Variants in GVQW3 observed in about 807,000 individuals in gnomAD.
GVQW3 encodes the protein protein GVQW3.
A neutral mutation model predicts 12.5 loss-of-function variants in GVQW3; 7 were observed. The ratio of observed to expected loss-of-function variants is 0.56; its 90% confidence interval spans 0.32 to 1.05. GVQW3 has a LOEUF of 1.05. GVQW3 is among the 50% of genes least tolerant of loss of function. The probability of loss-of-function intolerance (pLI) is 0.04; values close to 1 mark genes in which losing one functional copy is unlikely to be tolerated. For missense variants in GVQW3, 188 were observed against 190.8 expected (o/e 0.99, Z 0.09); for synonymous variants, 71 against 67.2 (o/e 1.06, Z -0.28).
At chr11:76,397,250 C>T (rs1946947913) in intron 1 of GVQW3, among the ~76,000 whole-genome samples, 1 of 152,158 alleles carries the variant, frequency 6.6e-6, no homozygotes, top group African/African-American at 2.4e-5. Context: ...GATCTGCCCA[C>T]CTTGGCCTCC....
intron 1 of GVQW3, among the ~76,000 whole-genome samples, chr11:76,400,794 A>G (rs1303885471): frequency 6.6e-6 from 1 of 151,962 alleles, no homozygotes; most frequent in African/African-American, 2.4e-5. Flanking sequence ...TTTCTCTTAA[A>G]TTCTTGTTCG....
intron 1 of GVQW3, chr11:76,383,891 T>C (rs899381461): frequency 1.3e-5 from 2 of 152,226 alleles, no homozygotes; most frequent in African/African-American, 2.4e-5. Flanking sequence ...ATTTGCTTTC[T>C]CTCCTAAGCC....
At chr11:76,399,127 T>TGTATTGTATTGTATTGTATTGTATTG (rs1296706412) in intron 1 of GVQW3, among the ~76,000 whole-genome samples, 82 of 151,054 alleles carry the variant, frequency 5.4e-4, no homozygotes, top group African/African-American at 2.0e-3. Context: ...TTTATTTTAT[T>TGTATTGTATTGTATTGTATTGTATTG]TCATTTTATT....
At chr11:76,385,821 C>T (rs117288860) in intron 1 of GVQW3, among the ~76,000 whole-genome samples, 140 of 152,288 alleles carry the variant, frequency 9.2e-4, no homozygotes, top group Admixed American at 1.3e-3. Context: ...TAGCCACCCT[C>T]AGTTGCACTC....
At chr11:76,399,654 A>G (rs1482706147) in intron 1 of GVQW3, among the ~76,000 whole-genome samples, 1 of 152,146 alleles carries the variant, frequency 6.6e-6, no homozygotes, top group Non-Finnish European at 1.5e-5. Flanking sequence ...TAATAATGCG[A>G]GCAGGCCTCA....
At chr11:76,403,479 G>C (rs1947010324) in intron 1 of GVQW3, among the ~76,000 whole-genome samples, 181 bp from the exon 2 acceptor site, 1 of 152,008 alleles carries the variant, frequency 6.6e-6, no homozygotes, top group South Asian at 2.1e-4. Context: ...TTTGTTGTTT[G>C]TTTGTTTAGA....
At position 76,405,678 on chromosome 11, in the gene GVQW3, A is replaced by G. The variant is rs1370771359; in HGVS notation, c.*1920A>G. The G allele has an allele frequency of 1.3e-5, 2 of 152,340 alleles. No homozygotes were observed. Among genetic ancestry groups the G allele is most frequent in the Non-Finnish European group, 2.9e-5 (2 of 68,160 alleles). The allele number at this position is 152,340 out of a possible 1,614,324, so 9.4% of individuals were successfully genotyped here. On this transcript the variant is annotated 3_prime_UTR_variant, in exon 2 of 2. Transcript: ENST00000529331. Reference sequence around the variant, plus strand: ...CTTGATGAAGAAAGAATAGGGAAGGAGATCAGATCAGTACTGTTGTCCAGG... The same window carrying G: ...CTTGATGAAGAAAGAATAGGGAAGGGGATCAGATCAGTACTGTTGTCCAGG...
intron 1 of GVQW3, among the ~76,000 whole-genome samples, chr11:76,401,114 CT>C (rs1351445123): frequency 2.6e-5 from 4 of 151,844 alleles, no homozygotes; most frequent in Non-Finnish European, 5.9e-5. Flanking sequence ...CTCAAGCAAT[CT>C]GCCCACCTCA....
chr11:76,397,027 T>C (rs1250462684), intron 1 of GVQW3, among the ~76,000 whole-genome samples: 9 of 128,314 alleles, frequency 7.0e-5, no homozygotes, highest in Admixed American at 1.7e-4. Flanking sequence ...TTTTTTGAGA[T>C]GGAGTTTCGC....
In GVQW3 at chr11:76,382,136, C is replaced by A. The variant is rs929418109; in HGVS notation, c.308C>A (p.Thr103Asn). 1 of 1,536,340 alleles carries A rather than the reference C, an allele frequency of 6.5e-7. No individual in the cohort carries two copies. The highest frequency in any genetic ancestry group is 1.4e-5 in the African/African-American group (1 of 73,166). ...GAAGAGTTAAATTTAGACAAAGAAA[C>A]TGTTAGGCTCATTTTGAAAGAAAAC... is the stretch of plus-strand genomic sequence containing the variant. ...MAEELNLDKE[T>N]VRLILKENLN... The change falls in exon 1 of 2, where the codon ACT (threonine) becomes AAT (asparagine). Residue 103 changes from threonine (T) to asparagine (N), a missense_variant. By Grantham distance (65) the Thr-to-Asn change is moderately conservative. Transcript: ENST00000529331.
At chr11:76,391,016 G>A (rs1239160015) in intron 1 of GVQW3, among the ~76,000 whole-genome samples, 8 of 151,998 alleles carry the variant, frequency 5.3e-5, no homozygotes, top group Non-Finnish European at 8.8e-5. Context: ...TGGAGTACGT[G>A]CCCAATAGAG....
Position 76,407,990 on chromosome 11 carries a change from C to G in GVQW3, c.*4232C>G, listed in dbSNP as rs1366284299. 1 of 151,866 alleles carries G rather than the reference C, an allele frequency of 6.6e-6. No homozygotes were observed. The highest frequency in any genetic ancestry group is 1.5e-5 in the Non-Finnish European group (1 of 67,986). 9.4% of individuals were successfully genotyped at this position (151,866 alleles called of 1,614,324 possible). Reference sequence around the variant, plus strand: ...TCCAAAACATTACCAGTGGTTTGATCTGGGTGATGAAATTATAAGTGATTT... The same window carrying G: ...TCCAAAACATTACCAGTGGTTTGATGTGGGTGATGAAATTATAAGTGATTT... On this transcript the variant is annotated 3_prime_UTR_variant, in exon 2 of 2. Transcript: ENST00000529331.
chr11:76,384,670 A>T (rs1056410625), intron 1 of GVQW3, among the ~76,000 whole-genome samples: 26 of 152,192 alleles, frequency 1.7e-4, no homozygotes, highest in African/African-American at 6.3e-4. Context: ...GTTGTCCCAC[A>T]AAGAGAAGAT....
intron 1 of GVQW3, among the ~76,000 whole-genome samples, chr11:76,402,039 C>G (rs1288808673): frequency 6.6e-6 from 1 of 152,104 alleles, no homozygotes; most frequent in Non-Finnish European, 1.5e-5. Context: ...AGGGCTTTAT[C>G]TCAGTTCCAA....
At chr11:76,399,946 C>T (rs377238947) in intron 1 of GVQW3, among the ~76,000 whole-genome samples, 9 of 149,864 alleles carry the variant, frequency 6.0e-5, no homozygotes, top group East Asian at 2.0e-4. Flanking sequence ...TCTCAGCCTC[C>T]GTAATTGCCT....
In GVQW3 at chr11:76,407,885, TAAAAC is replaced by T. The variant is rs1590827492; in HGVS notation, c.*4129_*4133del. ...AAGATGTTCACAATAAGATAGGTGATAAAACAGACTATAAAACCACATGCATTATA... is the reference window on the plus strand; with the variant it reads ...AAGATGTTCACAATAAGATAGGTGATAGACTATAAAACCACATGCATTATA... On this transcript the variant is annotated 3_prime_UTR_variant, in exon 2 of 2. Coordinates refer to ENST00000529331, the MANE Select transcript of GVQW3 (RefSeq NM_001347885.2). 1 of 152,112 alleles carries T rather than the reference TAAAAC, an allele frequency of 6.6e-6. No homozygotes were observed. The highest frequency in any genetic ancestry group is 1.5e-5 in the Non-Finnish European group (1 of 68,018). 9.4% of individuals were successfully genotyped at this position (152,112 alleles called of 1,614,324 possible).
chr11:76,386,289 A>G (rs1946832630), intron 1 of GVQW3, among the ~76,000 whole-genome samples: 1 of 152,238 alleles, frequency 6.6e-6, no homozygotes, highest in Non-Finnish European at 1.5e-5. Flanking sequence ...AAAGAGAAAG[A>G]ATAAAATGTT....
At chr11:76,400,587 AT>A (rs1469595282) in intron 1 of GVQW3, among the ~76,000 whole-genome samples, 2 of 149,592 alleles carry the variant, frequency 1.3e-5, no homozygotes, top group Non-Finnish European at 3.0e-5. Flanking sequence ...TGCCTGGCTA[AT>A]TTTTGTATTT....
chr11:76,401,112 A>G (rs1001232611), intron 1 of GVQW3, among the ~76,000 whole-genome samples: 3 of 151,704 alleles, frequency 2.0e-5, no homozygotes, highest in Non-Finnish European at 4.4e-5. Flanking sequence ...GGCTCAAGCA[A>G]TCTGCCCACC....
Sources: allele counts gnomAD v4.1 joint callset (sites outside exome capture counted in the v4.1 genomes callset), GRCh38; gene constraint gnomAD v4.1.1; transcripts MANE v1.5; gene names NCBI Gene and HGNC (gene_info 2026-07-23, HGNC 2026-07-21).